The following DMD variants were observed in gnomAD, a reference collection of about 807,000 sequenced individuals.
The protein encoded by DMD is mutant dystrophin.
Under a neutral mutation model 330.1 loss-of-function variants are expected in DMD, and 63 were observed. That is an observed-to-expected ratio of 0.19 (90% CI 0.16 to 0.24). The LOEUF (loss-of-function observed/expected upper bound fraction) is 0.24, where lower values mean the gene tolerates loss of function less well. Ranked by LOEUF, DMD falls within the 10% of genes least tolerant of loss-of-function variation. The pLI, the probability that DMD is intolerant of heterozygous loss-of-function variation, is 1.00. For missense variants in DMD, 3,344 were observed against 2,684.1 expected, an observed-to-expected ratio of 1.25 and a Z score of -5.43; for synonymous variants, 1,223 against 959.8, an observed-to-expected ratio of 1.27 and a Z score of -5.07.
chrX:31,487,819 T>C lies in DMD; in HGVS notation c.8548-8716A>G, dbSNP rs765199109. On this transcript the variant is annotated intron_variant, in intron 57 of 78. Transcript: ENST00000357033. ...ATAGTCAACAACATGAACAACAATA[T>C]TAATTTATAAATGAGATTGAATAAA... Among the ~76,000 whole-genome samples, 6 of 112,163 alleles carry C rather than the reference T, an allele frequency of 5.3e-5. No homozygotes were observed. In the East Asian group the frequency reaches 1.7e-3, roughly 31 times the overall value.
chrX:31,657,153 C>T (rs751521825), intron 54 of DMD, among the ~76,000 whole-genome samples: 4 of 111,371 alleles, frequency 3.6e-5, no homozygotes, highest in African/African-American at 1.3e-4. Context: ...AATTATTTTT[C>T]ACCGTGGTCT....
chrX:32,293,153 G>A (rs866942572), intron 42 of DMD, among the ~76,000 whole-genome samples: 1 of 112,415 alleles, frequency 8.9e-6, no homozygotes, highest in Non-Finnish European at 1.9e-5. Context: ...GAAAGAACAA[G>A]CCAACACAGA....
intron 2 of DMD, among the ~76,000 whole-genome samples, chrX:32,872,094 G>A (rs1034785903): frequency 9.0e-6 from 1 of 111,487 alleles, no homozygotes; most frequent in African/African-American, 3.3e-5. Flanking sequence ...GAGACCAACA[G>A]ACTGAATGAT....
chrX:33,337,923 G>A, intron 1 of DMD, among the ~76,000 whole-genome samples: 1 of 111,655 alleles, frequency 9.0e-6, no homozygotes, highest in Non-Finnish European at 1.9e-5. Context: ...GTAGCACTGT[G>A]TACACTGAAA....
intron 55 of DMD, among the ~76,000 whole-genome samples, chrX:31,550,404 A>G (rs72625591): frequency 8.9e-6 from 1 of 111,854 alleles, no homozygotes; most frequent in South Asian, 3.7e-4. Flanking sequence ...TAAACACAGA[A>G]GTCTGCTAGA....
chrX:31,721,716 CTCTATATA>C (rs1482366896), intron 52 of DMD, among the ~76,000 whole-genome samples: 18 of 53,407 alleles, frequency 3.4e-4, no homozygotes, highest in Admixed American at 6.5e-4. Flanking sequence ...CTCTCTCTCT[CTCTATATA>C]TATATATATA....
At chrX:32,614,269 CT>C (rs1569310202) in intron 12 of DMD, 33 bp downstream of exon 12, 1 of 1,201,026 alleles carries the variant, frequency 8.3e-7, no homozygotes. Flanking sequence ...AGTTTGCTTT[CT>C]AGTAGAAAGC....
intron 17 of DMD, among the ~76,000 whole-genome samples, chrX:32,519,278 A>G (rs902319927): frequency 9.2e-6 from 1 of 108,980 alleles, no homozygotes; most frequent in African/African-American, 3.3e-5. Context: ...AAAAAAAAAA[A>G]AAAAAATCAA....
intron 43 of DMD, among the ~76,000 whole-genome samples, chrX:32,232,314 A>G (rs1024433913): frequency 4.6e-4 from 52 of 111,852 alleles, no homozygotes; most frequent in African/African-American, 1.7e-3. Flanking sequence ...ATTTTTGATA[A>G]ATTTGTTAAA....
intron 1 of DMD, among the ~76,000 whole-genome samples, chrX:33,336,599 C>T (rs1235673358): frequency 9.0e-6 from 1 of 110,717 alleles, no homozygotes; most frequent in Non-Finnish European, 1.9e-5. Flanking sequence ...AATATAAATG[C>T]CTTAGAGAAA....
At chrX:32,046,778 G>A (rs2096067401) in intron 44 of DMD, among the ~76,000 whole-genome samples, 1 of 111,462 alleles carries the variant, frequency 9.0e-6, no homozygotes, top group Admixed American at 9.5e-5. Flanking sequence ...ATTTCCCTGT[G>A]GAAGAACAAC....
intron 7 of DMD, among the ~76,000 whole-genome samples, chrX:32,716,858 G>A (rs966480885): frequency 9.0e-6 from 1 of 111,666 alleles, no homozygotes; most frequent in Admixed American, 9.6e-5. Flanking sequence ...TTGTGCCCCT[G>A]CTCTAGGTAT....
At position 31,508,083 on chromosome X, in the gene DMD, C is replaced by T. The variant is rs3788893; in HGVS notation, c.8218-630G>A. 0.18 allele frequency: 87,123 copies of T among 476,539 alleles called. 7,609 individuals are homozygous for T. Among genetic ancestry groups the T allele is most frequent in the African/African-American group, 0.45 (18,504 of 40,850 alleles). The allele number at this position is 476,539 out of a possible 1,213,427, so 39.3% of individuals were successfully genotyped here. On this transcript the variant is annotated intron_variant, in intron 55 of 78. Transcript: ENST00000357033. ...TAGTTTTGATTTCCCATTTAATACA[C>T]ATTTTTAGGCTTGACAGGTGGAAAG...
intron 1 of DMD, among the ~76,000 whole-genome samples, chrX:33,078,379 C>T (rs185696536): frequency 2.7e-5 from 3 of 112,145 alleles, no homozygotes; most frequent in African/African-American, 6.5e-5. Flanking sequence ...TCTTATTGCA[C>T]GTATGCAATT....
chrX:31,222,904 G>A (rs1391223591), intron 64 of DMD, 143 bp downstream of exon 64: 1 of 530,325 alleles, frequency 1.9e-6, no homozygotes, highest in South Asian at 2.9e-5. Context: ...CTAGGCCAAG[G>A]ATACATTAAA....
At chrX:31,761,224 C>T (rs1275208136) in intron 51 of DMD, among the ~76,000 whole-genome samples, 1 of 110,569 alleles carries the variant, frequency 9.0e-6, no homozygotes, top group Admixed American at 9.7e-5. Context: ...TCCATTTTAA[C>T]GGCACAAAAC....
intron 59 of DMD, among the ~76,000 whole-genome samples, chrX:31,473,503 C>CGAGATCAA (rs1389156684): frequency 9.1e-5 from 10 of 110,068 alleles, no homozygotes; most frequent in African/African-American, 1.7e-4. Flanking sequence ...GGGCGGATCA[C>CGAGATCAA]GAGATCAAGA....
chrX:31,509,284 C>A (rs16989686), intron 55 of DMD, among the ~76,000 whole-genome samples: 74 of 111,478 alleles, frequency 6.6e-4, no homozygotes, highest in Non-Finnish European at 1.0e-3. Flanking sequence ...GAATAACATG[C>A]CTGCCTAATT....
At position 32,720,864 on chromosome X, in the gene DMD, T is replaced by C. The variant is rs139463175; in HGVS notation, c.650-21571A>G. On this transcript the variant is annotated intron_variant, in intron 7 of 78. Coordinates refer to ENST00000357033, the MANE Select transcript of DMD (RefSeq NM_004006.3). ...ATAACTGCAAGTTTCCATGTACACA[T>C]TGACTTATTTCCTCACCCTCACTAC... 2.7e-3 allele frequency among the ~76,000 whole-genome samples: 300 copies of C among 111,794 alleles called. 1 individual carries two copies. Among genetic ancestry groups the C allele is most frequent in the African/African-American group, 9.3e-3 (288 of 30,869 alleles).
Sources: allele counts gnomAD v4.1 joint callset (sites outside exome capture counted in the v4.1 genomes callset), GRCh38; gene constraint gnomAD v4.1.1; transcripts MANE v1.5; gene names NCBI Gene and HGNC (gene_info 2026-07-23, HGNC 2026-07-21).